The following TMTC1 variants were observed in gnomAD, a reference collection of about 807,000 sequenced individuals.
TMTC1 encodes transmembrane O-mannosyltransferase targeting cadherins 1.
In TMTC1, 73 loss-of-function variants were observed where a neutral mutation model predicts 104.8. The observed-to-expected ratio is 0.70, with a 90% CI of 0.58 to 0.85. TMTC1 has a LOEUF of 0.85. Ranked by LOEUF, TMTC1 falls within the 40% of genes least tolerant of loss-of-function variation. The pLI, the probability that TMTC1 is intolerant of heterozygous loss-of-function variation, is 0.00. For synonymous variants in TMTC1, 434 were observed against 428.7 expected, an observed-to-expected ratio of 1.01 and a Z score of -0.15; for missense variants, 1,035 against 1,096.1, an observed-to-expected ratio of 0.94 and a Z score of 0.79.
chr12:29,701,615 C>T (rs946419744), intron 5 of TMTC1, among the ~76,000 whole-genome samples: 2 of 152,218 alleles, frequency 1.3e-5, no homozygotes, highest in African/African-American at 4.8e-5. Flanking sequence ...CCTAGTAAAT[C>T]TCTTTTATGT....
intron 7 of TMTC1, 120 bp downstream of exon 7, chr12:29,604,058 A>G (rs1565702653): frequency 3.7e-6 from 5 of 1,338,110 alleles, no homozygotes; most frequent in Non-Finnish European, 5.1e-6. Flanking sequence ...AGCTGAAATA[A>G]TAATATCCCT....
At chr12:29,642,452 A>C (rs1938895844) in intron 5 of TMTC1, among the ~76,000 whole-genome samples, 1 of 152,198 alleles carries the variant, frequency 6.6e-6, no homozygotes, top group Non-Finnish European at 1.5e-5. Flanking sequence ...CTCCTCAAAC[A>C]AAACAATTAT....
chr12:29,581,972 A>G (rs904744921), intron 8 of TMTC1, among the ~76,000 whole-genome samples: 4 of 151,684 alleles, frequency 2.6e-5, no homozygotes, highest in Non-Finnish European at 4.4e-5. Context: ...ATCTGTGTGG[A>G]AAAAAAAAGA....
intron 5 of TMTC1, among the ~76,000 whole-genome samples, chr12:29,727,073 T>C (rs1056736170): frequency 1.3e-5 from 2 of 152,146 alleles, no homozygotes; most frequent in Non-Finnish European, 1.5e-5. Context: ...TAGCCCAAAA[T>C]GTCAAAATGC....
intron 5 of TMTC1, among the ~76,000 whole-genome samples, chr12:29,686,877 T>A (rs1941110896): frequency 1.3e-5 from 2 of 152,228 alleles, no homozygotes; most frequent in Admixed American, 1.3e-4. Flanking sequence ...TAGTGCTGTA[T>A]CACATGGAAC....
chr12:29,724,371 C>G (rs551251948), intron 5 of TMTC1, among the ~76,000 whole-genome samples: 1 of 152,100 alleles, frequency 6.6e-6, no homozygotes, highest in African/African-American at 2.4e-5. Context: ...GATACACATG[C>G]CCTATGACCT....
chr12:29,731,220 A>C (rs1434253670), intron 5 of TMTC1, among the ~76,000 whole-genome samples: 3 of 152,160 alleles, frequency 2.0e-5, no homozygotes, highest in Non-Finnish European at 2.9e-5. Flanking sequence ...GCAGTGGTGC[A>C]ATCTAGGCTC....
intron 5 of TMTC1, among the ~76,000 whole-genome samples, chr12:29,637,831 C>A (rs1274555808): frequency 6.6e-6 from 1 of 152,208 alleles, no homozygotes; most frequent in Non-Finnish European, 1.5e-5. Flanking sequence ...GTACTGCAAG[C>A]AGAAATATAT....
At chr12:29,577,735 TACTAAC>T (rs1945864098) in intron 8 of TMTC1, among the ~76,000 whole-genome samples, 1 of 152,152 alleles carries the variant, frequency 6.6e-6, no homozygotes, top group Non-Finnish European at 1.5e-5. Flanking sequence ...GGTGCTGAAA[TACTAAC>T]ACTATCTTTC....
chr12:29,646,271 A>C (rs1428289530), intron 5 of TMTC1, among the ~76,000 whole-genome samples: 1 of 152,228 alleles, frequency 6.6e-6, no homozygotes. Flanking sequence ...ACGACACATC[A>C]AACTGATTGC....
intron 5 of TMTC1, among the ~76,000 whole-genome samples, chr12:29,696,705 G>A (rs1941434660): frequency 6.6e-6 from 1 of 152,064 alleles, no homozygotes; most frequent in Admixed American, 6.5e-5. Context: ...GACCATTAAC[G>A]TGTCACATCA....
chr12:29,784,710 G>A (rs1943915927), upstream of TMTC1: 2 of 152,102 alleles, frequency 1.3e-5, no homozygotes, highest in African/African-American at 4.8e-5. Context: ...TTATTTTATT[G>A]TTTGCTCAAG....
intron 10 of TMTC1, among the ~76,000 whole-genome samples, chr12:29,539,835 T>G (rs897213509): frequency 2.0e-5 from 3 of 152,176 alleles, no homozygotes; most frequent in Non-Finnish European, 4.4e-5. Flanking sequence ...CTTTCATGAT[T>G]TGCCCTGCTC....
intron 5 of TMTC1, 24 bp from the exon 6 acceptor site, chr12:29,633,360 G>A (rs924231761): frequency 8.3e-6 from 13 of 1,568,876 alleles, no homozygotes; most frequent in Admixed American, 3.5e-5. Context: ...AAGAATCACT[G>A]AAACACTGCT....
chr12:29,769,939 CA>C (rs1308357419), intron 1 of TMTC1, among the ~76,000 whole-genome samples: 1 of 151,426 alleles, frequency 6.6e-6, no homozygotes, highest in African/African-American at 2.4e-5. Context: ...AGTATATATA[CA>C]AATACATACA....
chr12:29,734,574 CAGAT>C (rs764547674), intron 5 of TMTC1, among the ~76,000 whole-genome samples: 4 of 152,130 alleles, frequency 2.6e-5, no homozygotes, highest in Non-Finnish European at 5.9e-5. Context: ...TATATAGACA[CAGAT>C]AGATCCACAT....
At chr12:29,540,044 C>T (rs1565656085) in intron 10 of TMTC1, among the ~76,000 whole-genome samples, 1 of 152,152 alleles carries the variant, frequency 6.6e-6, no homozygotes, top group Admixed American at 6.5e-5. Flanking sequence ...TATCACCTTT[C>T]TGATATTTCA....
At chr12:29,520,956 T>G in intron 11 of TMTC1, 1 of 447,738 alleles carries the variant, frequency 2.2e-6, no homozygotes. Context: ...AAAAAGATGA[T>G]GTTTTCTCAA....
chr12:29,738,307 C>T (rs139178603), intron 5 of TMTC1, among the ~76,000 whole-genome samples: 3 of 152,262 alleles, frequency 2.0e-5, no homozygotes, highest in African/African-American at 7.2e-5. Flanking sequence ...GAAGGAAATT[C>T]TAAAATCATT....
Sources: gnomAD v4.1 joint callset for allele counts (sites outside exome capture counted in the v4.1 genomes callset) on GRCh38, gnomAD v4.1.1 for gene constraint, MANE v1.5 for transcripts, NCBI Gene and HGNC (gene_info 2026-07-23, HGNC 2026-07-21) for gene names.